The following MFHAS1 variants were observed in gnomAD, a reference collection of about 807,000 sequenced individuals.
The protein encoded by MFHAS1 is multifunctional ROCO family signaling regulator 1, also known as malignant fibrous histiocytoma-amplified sequence 1.
In MFHAS1, 50 loss-of-function variants were observed where a neutral mutation model predicts 70.4. The ratio of observed to expected loss-of-function variants is 0.71; its 90% CI spans 0.57 to 0.90. MFHAS1 has a LOEUF of 0.90. Among genes scored for constraint, MFHAS1 ranks in the 40% least tolerant of loss-of-function variants. The pLI, the probability that MFHAS1 is intolerant of heterozygous loss-of-function variation, is 0.00. For missense variants in MFHAS1, 1,795 were observed against 1,347.6 expected, an observed-to-expected ratio of 1.33 and a Z score of -5.20; for synonymous variants, 952 against 620.0, an observed-to-expected ratio of 1.54 and a Z score of -7.96.
chr8:8,821,506 G>C (rs986945766), intron 1 of MFHAS1, among the ~76,000 whole-genome samples: 4 of 152,186 alleles, frequency 2.6e-5, no homozygotes, highest in African/African-American at 4.8e-5. Context: ...CACAGGTTAT[G>C]AAAATACCAG....
At chr8:8,868,050 C>G (rs1190170015) in intron 1 of MFHAS1, among the ~76,000 whole-genome samples, 1 of 152,076 alleles carries the variant, frequency 6.6e-6, no homozygotes, top group African/African-American at 2.4e-5. Context: ...TCTGTCCAGA[C>G]TGACTTTTAT....
intron 1 of MFHAS1, among the ~76,000 whole-genome samples, chr8:8,851,354 T>G (rs762233359): frequency 2.0e-5 from 3 of 152,216 alleles, no homozygotes; most frequent in Non-Finnish European, 2.9e-5. Flanking sequence ...TACAAGTCAG[T>G]AGGACACTAG....
chr8:8,817,998 G>T (rs1003796240), intron 1 of MFHAS1, among the ~76,000 whole-genome samples: 9 of 152,072 alleles, frequency 5.9e-5, no homozygotes, highest in African/African-American at 2.2e-4. Context: ...GAGGACCCCT[G>T]CTCTAGCCCG....
intron 1 of MFHAS1, among the ~76,000 whole-genome samples, chr8:8,868,324 G>A (rs530572419): frequency 1.3e-5 from 2 of 150,876 alleles, no homozygotes; most frequent in East Asian, 2.0e-4. Flanking sequence ...TAATAATATA[G>A]ACAAACTAAG....
intron 1 of MFHAS1, among the ~76,000 whole-genome samples, chr8:8,801,336 T>C (rs1314023664): frequency 6.6e-6 from 1 of 152,236 alleles, no homozygotes; most frequent in Non-Finnish European, 1.5e-5. Flanking sequence ...GTTTGGGTCT[T>C]ATCTCTAGCA....
chr8:8,802,048 A>AGGTT (rs1806100083), intron 1 of MFHAS1, among the ~76,000 whole-genome samples: 1 of 152,224 alleles, frequency 6.6e-6, no homozygotes, highest in African/African-American at 2.4e-5. Flanking sequence ...AAATAAGCCT[A>AGGTT]AGTTAATCCA....
chr8:8,828,255 C>G (rs1218497210), intron 1 of MFHAS1, among the ~76,000 whole-genome samples: 1 of 152,166 alleles, frequency 6.6e-6, no homozygotes, highest in Non-Finnish European at 1.5e-5. Flanking sequence ...ATCTCAAAAG[C>G]ATGGAGCAAC....
At position 8,893,174 on chromosome 8, in the gene MFHAS1, G is replaced by A. The variant is rs926280049; in HGVS notation, c.-116C>T. 10 of 553,158 alleles carry A rather than the reference G, an allele frequency of 1.8e-5. No individual in the cohort carries two copies. Among genetic ancestry groups the A allele is most frequent in the South Asian group, 8.5e-5 (1 of 11,698 alleles). The allele number at this position is 553,158 out of a possible 1,614,324, so 34.3% of individuals were successfully genotyped here. ...GCCTGCCCTCCCGCGCTCGGCGGCC[G>A]GCGGCCGCGGGTCCTAGCGCAGCCA... On this transcript the variant is annotated 5_prime_UTR_variant, in exon 1 of 3. Transcript: ENST00000276282.
At chr8:8,853,721 C>T (rs1007422165) in intron 1 of MFHAS1, among the ~76,000 whole-genome samples, 2 of 152,144 alleles carry the variant, frequency 1.3e-5, no homozygotes, top group African/African-American at 4.8e-5. Context: ...TATGCGCCAC[C>T]ACTCCTGGCA....
chr8:8,786,926 C>G (rs1030320552), intron 2 of MFHAS1, among the ~76,000 whole-genome samples: 4 of 151,730 alleles, frequency 2.6e-5, no homozygotes, highest in Non-Finnish European at 5.9e-5. Context: ...CAAAACAAAG[C>G]AAAGCAAAGC....
chr8:8,835,768 C>T lies in MFHAS1; in HGVS notation c.2999-38277G>A, dbSNP rs1189600368. Reference sequence around the variant, plus strand: ...TACGTAGAAGAGTCAATATTCAGACCCAGTTCTCATGTATGGAAATTAAAC... The same window carrying T: ...TACGTAGAAGAGTCAATATTCAGACTCAGTTCTCATGTATGGAAATTAAAC... On this transcript the variant is annotated intron_variant, in intron 1 of 2. Coordinates refer to ENST00000276282, the MANE Select transcript of MFHAS1 (RefSeq NM_004225.3). 2.0e-5 allele frequency among the ~76,000 whole-genome samples: 3 copies of T among 152,164 alleles called. No individual in the cohort carries two copies. The South Asian group carries it at 6.2e-4, about 31-fold the overall frequency.
At chr8:8,820,170 A>C (rs1323413669) in intron 1 of MFHAS1, among the ~76,000 whole-genome samples, 2 of 152,222 alleles carry the variant, frequency 1.3e-5, no homozygotes, top group African/African-American at 4.8e-5. Context: ...ATAAATATAA[A>C]GATGTGCAAA....
chr8:8,791,125 GTTTTTTT>G (rs34714915), intron 2 of MFHAS1, among the ~76,000 whole-genome samples: 5 of 132,640 alleles, frequency 3.8e-5, no homozygotes, highest in Admixed American at 7.8e-5. Flanking sequence ...CACCCCACCC[GTTTTTTT>G]TTTTTTTTTT....
At chr8:8,840,012 A>T (rs1239715272) in intron 1 of MFHAS1, among the ~76,000 whole-genome samples, 1 of 152,238 alleles carries the variant, frequency 6.6e-6, no homozygotes, top group Non-Finnish European at 1.5e-5. Context: ...AAATGGATAT[A>T]CATATACGTA....
At chr8:8,804,182 T>C (rs920472761) in intron 1 of MFHAS1, among the ~76,000 whole-genome samples, 1 of 152,114 alleles carries the variant, frequency 6.6e-6, no homozygotes, top group African/African-American at 2.4e-5. Context: ...TAAGGTATGG[T>C]TCCAACGACA....
At chr8:8,863,690 C>T (rs1353061444) in intron 1 of MFHAS1, among the ~76,000 whole-genome samples, 1 of 152,104 alleles carries the variant, frequency 6.6e-6, no homozygotes, top group African/African-American at 2.4e-5. Context: ...GGTCCTTAAC[C>T]CAGACCATGG....
At chr8:8,846,110 G>T (rs923696241) in intron 1 of MFHAS1, among the ~76,000 whole-genome samples, 2 of 151,628 alleles carry the variant, frequency 1.3e-5, no homozygotes, top group Non-Finnish European at 2.9e-5. Flanking sequence ...AAAATTAGCT[G>T]GACATGGTGG....
rs1438238007 is a variant in MFHAS1, at chr8:8,890,336, T to C, written c.2723A>G (p.His908Arg). ...GATCTGAAATTTACCATCCGACCTG[T>C]GCACCACATGGCTGTTGATCTGGAC... ...YSVQINSHVV[H>R]RSDGKFQIFA... Residue 908 changes from histidine to arginine, a missense_variant, in exon 1 of 3, where the codon CAC becomes CGC. Coordinates refer to ENST00000276282, the MANE Select transcript of MFHAS1 (RefSeq NM_004225.3). 1.2e-6 allele frequency: 2 copies of C among 1,614,078 alleles called. No individual in the cohort carries two copies. The highest frequency in any genetic ancestry group is 1.3e-5 in the African/African-American group (1 of 74,936).
chr8:8,876,780 T>C (rs572094686), intron 1 of MFHAS1, among the ~76,000 whole-genome samples: 8 of 151,912 alleles, frequency 5.3e-5, no homozygotes, highest in Non-Finnish European at 1.2e-4. Context: ...GAAAAGACTT[T>C]TTATCCACAA....
Sources: allele counts gnomAD v4.1 joint callset (sites outside exome capture counted in the v4.1 genomes callset), GRCh38; gene constraint gnomAD v4.1.1; transcripts MANE v1.5; gene names NCBI Gene and HGNC (gene_info 2026-07-23, HGNC 2026-07-21).